The following CDA variants were observed in gnomAD, a reference collection of about 807,000 sequenced individuals.
CDA encodes cytidine aminohydrolase.
Under a neutral mutation model 15.0 loss-of-function variants are expected in CDA, and 7 were observed. The ratio of observed to expected loss-of-function variants is 0.47; its 90% CI spans 0.26 to 0.87. CDA has a LOEUF of 0.87. Among genes scored for constraint, CDA ranks in the 40% least tolerant of loss-of-function variants. The pLI, the probability that CDA is intolerant of heterozygous loss-of-function variation, is 0.15. For synonymous variants in CDA, 58 were observed against 73.0 expected (o/e 0.79, Z 1.05); for missense variants, 159 against 182.7 (o/e 0.87, Z 0.75).
Position 20,597,559 on chromosome 1 carries a change from C to T in CDA, c.155-7369C>T, listed in dbSNP as rs147012846. Among the ~76,000 whole-genome samples, 6 of 152,322 alleles carry T rather than the reference C, an allele frequency of 3.9e-5. No individual in the cohort carries two copies. The East Asian group carries it at 1.2e-3, about 29-fold the overall frequency. On this transcript the variant is annotated intron_variant, in intron 1 of 3. Transcript: ENST00000375071. The stretch of plus-strand genomic sequence containing the variant: ...GGTGTTCTAACAGTATTTACCTTAC[C>T]CAACAGTTAAAAGGATTAACTGACC...
chr1:20,612,342 A>T (rs1169859410), intron 2 of CDA, among the ~76,000 whole-genome samples: 3 of 152,110 alleles, frequency 2.0e-5, no homozygotes, highest in Admixed American at 6.5e-5. Context: ...ACCTGCACAT[A>T]TACATCCAGA....
At chr1:20,610,953 T>C (rs2052744590) in intron 2 of CDA, among the ~76,000 whole-genome samples, 1 of 152,178 alleles carries the variant, frequency 6.6e-6, no homozygotes, top group South Asian at 2.1e-4. Context: ...TTAAATCCTG[T>C]GTTCTGCCAG....
At position 20,612,216 on chromosome 1, in the gene CDA, G is replaced by A. The variant is rs184911319; in HGVS notation, c.267-1626G>A. Among the ~76,000 whole-genome samples the A allele has an allele frequency of 5.7e-3, 859 of 151,794 alleles. 3 individuals carry two copies. The highest frequency in any genetic ancestry group is 0.01 in the Non-Finnish European group (684 of 67,904). ...CGACACAGAGAAACCCAGGGCTTCC[G>A]AATAGCATCTCTGCCTCTTCATCAC... On this transcript the variant is annotated intron_variant, in intron 2 of 3. Coordinates refer to ENST00000375071, the MANE Select transcript of CDA (RefSeq NM_001785.3).
chr1:20,602,163 G>T (rs2052650587), intron 1 of CDA, among the ~76,000 whole-genome samples: 2 of 149,134 alleles, frequency 1.3e-5, no homozygotes, highest in Non-Finnish European at 3.0e-5. Flanking sequence ...GGGGAGGGGA[G>T]GGGAGGGGAG....
intron 2 of CDA, among the ~76,000 whole-genome samples, chr1:20,608,733 G>A (rs746815879): frequency 1.3e-5 from 2 of 152,098 alleles, no homozygotes; most frequent in Admixed American, 6.6e-5. Flanking sequence ...TTGTTTTAAA[G>A]TTATCATTAT....
intron 3 of CDA, among the ~76,000 whole-genome samples, chr1:20,615,610 A>G (rs987929431): frequency 4.6e-5 from 7 of 152,152 alleles, no homozygotes; most frequent in African/African-American, 1.7e-4. Flanking sequence ...GTCAGTAACT[A>G]TTGTGGATTC....
At chr1:20,612,763 T>C in intron 2 of CDA, among the ~76,000 whole-genome samples, 1 of 151,830 alleles carries the variant, frequency 6.6e-6, no homozygotes, top group Non-Finnish European at 1.5e-5. Flanking sequence ...GCTAACATAG[T>C]GAAACCCCGT....
At chr1:20,614,015 C>G (rs2052780500) in intron 3 of CDA, 116 bp downstream of exon 3, 1 of 913,380 alleles carries the variant, frequency 1.1e-6, no homozygotes, top group Non-Finnish European at 1.8e-6. Context: ...CAGCTACTGT[C>G]CTGTTTGCTT....
intron 2 of CDA, 32 bp downstream of exon 2, chr1:20,605,071 C>T: frequency 8.1e-7 from 1 of 1,232,342 alleles, no homozygotes; most frequent in East Asian, 2.3e-5. Flanking sequence ...CAACAATATT[C>T]ATTCATCTCT....
At chr1:20,617,947 C>T (rs553611494) in intron 3 of CDA, among the ~76,000 whole-genome samples, 2 of 152,216 alleles carry the variant, frequency 1.3e-5, no homozygotes, top group Admixed American at 6.5e-5. Flanking sequence ...CCGCCTGCCT[C>T]GGCCTCCCAA....
chr1:20,592,546 T>C (rs1229970665), intron 1 of CDA, among the ~76,000 whole-genome samples: 1 of 152,090 alleles, frequency 6.6e-6, no homozygotes, highest in Admixed American at 6.5e-5. Context: ...AAGTGGTGTG[T>C]GATGACATTT....
intron 1 of CDA, among the ~76,000 whole-genome samples, chr1:20,600,276 A>C (rs778620925): frequency 6.6e-6 from 1 of 152,106 alleles, no homozygotes; most frequent in Non-Finnish European, 1.5e-5. Context: ...TTGATGGGAA[A>C]AGTGTCAGAC....
intron 1 of CDA, among the ~76,000 whole-genome samples, chr1:20,602,804 C>T (rs2052658563): frequency 6.6e-6 from 1 of 152,316 alleles, no homozygotes; most frequent in East Asian, 1.9e-4. Flanking sequence ...GATCTATTTG[C>T]TTCCAATTAT....
At chr1:20,593,410 G>A (rs997887011) in intron 1 of CDA, among the ~76,000 whole-genome samples, 1 of 152,128 alleles carries the variant, frequency 6.6e-6, no homozygotes, top group African/African-American at 2.4e-5. Context: ...GAACCAGAGC[G>A]GGCAAGGGTA....
chr1:20,602,524 A>G (rs2052654299), intron 1 of CDA, among the ~76,000 whole-genome samples: 1 of 152,120 alleles, frequency 6.6e-6, no homozygotes, highest in Non-Finnish European at 1.5e-5. Flanking sequence ...CCCAGGTTCA[A>G]GCAATTCTTC....
At chr1:20,594,520 GC>G (rs1257702405) in intron 1 of CDA, among the ~76,000 whole-genome samples, 1 of 151,934 alleles carries the variant, frequency 6.6e-6, no homozygotes, top group Non-Finnish European at 1.5e-5. Flanking sequence ...AGGCGCGGTG[GC>G]TCATGACTGT....
chr1:20,599,642 TAAAATAAAAC>T (rs2052623338), intron 1 of CDA, among the ~76,000 whole-genome samples: 1 of 149,732 alleles, frequency 6.7e-6, no homozygotes. Flanking sequence ...TAAAATAAAA[TAAAATAAAAC>T]AAAATAAAAT....
At chr1:20,598,866 C>T (rs180752777) in intron 1 of CDA, among the ~76,000 whole-genome samples, 4 of 152,348 alleles carry the variant, frequency 2.6e-5, no homozygotes, top group Admixed American at 2.6e-4. Flanking sequence ...CCCATGACTT[C>T]ACTGTTCCAG....
At chr1:20,598,838 A>G (rs1314073259) in intron 1 of CDA, among the ~76,000 whole-genome samples, 1 of 152,248 alleles carries the variant, frequency 6.6e-6, no homozygotes, top group African/African-American at 2.4e-5. Flanking sequence ...CATTCAATCC[A>G]TAAGAGAAAC....
Sources: allele counts gnomAD v4.1 joint callset (sites outside exome capture counted in the v4.1 genomes callset), GRCh38; gene constraint gnomAD v4.1.1; transcripts MANE v1.5; gene names NCBI Gene and HGNC (gene_info 2026-07-23, HGNC 2026-07-21).